TYW1: variants seen among roughly 807,000 people sequenced by gnomAD.
TYW1 encodes tRNA-yW synthesizing protein 1 homolog.
A neutral mutation model predicts 96.2 loss-of-function variants in TYW1; 46 were observed. That is an observed-to-expected ratio of 0.48 (90% confidence interval 0.38 to 0.61). The LOEUF is 0.61. TYW1 is among the 20% of genes least tolerant of loss of function. The pLI is 0.00. For synonymous variants in TYW1, 274 were observed against 323.0 expected (o/e 0.85, Z 1.63); for missense variants, 684 against 909.6 (o/e 0.75, Z 3.19).
intron 15 of TYW1, among the ~76,000 whole-genome samples, chr7:67,197,800 T>A (rs1800449363): frequency 6.6e-6 from 1 of 152,102 alleles, no homozygotes; most frequent in African/African-American, 2.4e-5. Context: ...ATTTGGAAAT[T>A]ATTTCAAATT....
chr7:67,123,526 A>C (rs1311971660), intron 13 of TYW1, among the ~76,000 whole-genome samples: 2 of 152,218 alleles, frequency 1.3e-5, no homozygotes, highest in Non-Finnish European at 2.9e-5. Flanking sequence ...TTGAGGCATC[A>C]GGTAATGTCT....
At chr7:67,029,980 C>T (rs139066108) in intron 7 of TYW1, among the ~76,000 whole-genome samples, 53 of 152,248 alleles carry the variant, frequency 3.5e-4, no homozygotes, top group African/African-American at 1.2e-3. Flanking sequence ...GAGATACTCT[C>T]GGTCAAGGAA....
Position 67,024,964 on chromosome 7 carries a change from A to G in TYW1, c.926A>G (p.Asn309Ser). The change falls in exon 7 of 16, where the codon AAT becomes AGT. Residue 309 changes from asparagine to serine, a missense_variant. Coordinates refer to ENST00000359626, the MANE Select transcript of TYW1 (RefSeq NM_018264.4). ...EFGGEDHQSL[N>S]SIVDVEDLGK... The stretch of plus-strand genomic sequence containing the variant: ...GGTGGTGAGGACCATCAGAGCCTAA[A>G]TTCCATTGTTGATGTTGAAGATTTG... 6.2e-7 allele frequency: 1 copy of G among 1,613,874 alleles called. No homozygotes were observed. The highest frequency in any genetic ancestry group is 1.1e-5 in the South Asian group (1 of 91,066).
At chr7:67,015,624 A>T (rs1793989308) in intron 5 of TYW1, among the ~76,000 whole-genome samples, 1 of 152,150 alleles carries the variant, frequency 6.6e-6, no homozygotes, top group Non-Finnish European at 1.5e-5. Flanking sequence ...AATTTCTGGG[A>T]TTACAGGCAT....
At chr7:67,152,812 T>TTTGG (rs2116175637) in intron 13 of TYW1, among the ~76,000 whole-genome samples, 1 of 152,172 alleles carries the variant, frequency 6.6e-6, no homozygotes, top group Admixed American at 6.5e-5. Flanking sequence ...TGTTAGCCAG[T>TTTGG]TTGGTCTTGA....
intron 14 of TYW1, 98 bp downstream of exon 14, chr7:67,183,334 G>T: frequency 9.7e-7 from 1 of 1,026,568 alleles, no homozygotes; most frequent in Admixed American, 2.7e-5. Flanking sequence ...AACTCTAGAG[G>T]TCCCAGGAAT....
At chr7:67,169,692 C>T (rs1160846601) in intron 13 of TYW1, among the ~76,000 whole-genome samples, 1 of 152,252 alleles carries the variant, frequency 6.6e-6, no homozygotes, top group Non-Finnish European at 1.5e-5. Flanking sequence ...AGCCACTGCT[C>T]CCAGCCTAGA....
chr7:67,186,242 T>C (rs2687030), intron 14 of TYW1, among the ~76,000 whole-genome samples: 44,854 of 110,650 alleles, frequency 0.41, 9,685 homozygotes, highest in South Asian at 0.49. Context: ...TGGATCTCCC[T>C]TTTTTTCATT....
intron 3 of TYW1, among the ~76,000 whole-genome samples, chr7:67,007,213 T>G (rs1476943751): frequency 6.6e-6 from 1 of 152,044 alleles, no homozygotes; most frequent in Non-Finnish European, 1.5e-5. Context: ...TTCATTTATA[T>G]AGGGTGTAAC....
At chr7:67,209,428 A>G (rs1227415375) in intron 15 of TYW1, among the ~76,000 whole-genome samples, 1 of 152,192 alleles carries the variant, frequency 6.6e-6, no homozygotes, top group African/African-American at 2.4e-5. Context: ...TTTAGTGCAG[A>G]AACACTGAAA....
intron 9 of TYW1, among the ~76,000 whole-genome samples, chr7:67,062,922 G>C (rs1191532348): frequency 1.3e-5 from 2 of 152,080 alleles, no homozygotes; most frequent in Admixed American, 6.6e-5. Context: ...AAATACAAGA[G>C]GTGGGGAACA....
At chr7:67,010,518 C>T (rs1028441761) in intron 4 of TYW1, among the ~76,000 whole-genome samples, 1 of 151,592 alleles carries the variant, frequency 6.6e-6, no homozygotes, top group African/African-American at 2.4e-5. Context: ...CTCTGTCACC[C>T]AGGCTGGAGT....
rs74708303 is a variant in TYW1, at chr7:67,094,967, G to A, written c.1385-3574G>A. Among the ~76,000 whole-genome samples the A allele has an allele frequency of 4.1e-3, 625 of 151,862 alleles. 34 individuals carry two copies. In the East Asian group the frequency reaches 0.11, roughly 27 times the overall value. The stretch of plus-strand genomic sequence containing the variant: ...GGTGCCTGGTGGAGATTGCTGGTGG[G>A]GGGGTACTAAGTGAAAATGCTGTAT... On this transcript the variant is annotated intron_variant, in intron 11 of 15. Transcript: ENST00000359626.
At chr7:67,072,963 T>TTTTTTTTTTTTTTTTTTTTTTG (rs1219374462) in intron 10 of TYW1, among the ~76,000 whole-genome samples, 6 of 118,684 alleles carry the variant, frequency 5.1e-5, no homozygotes, top group African/African-American at 2.1e-4. Context: ...TTTTTTTTTT[T>TTTTTTTTTTTTTTTTTTTTTTG]TATAGAGACA....
chr7:67,018,637 A>G (rs1463878521), intron 6 of TYW1, among the ~76,000 whole-genome samples: 2 of 151,938 alleles, frequency 1.3e-5, no homozygotes, highest in South Asian at 2.1e-4. Flanking sequence ...GAATTAAGCC[A>G]TATCGTGCTA....
intron 5 of TYW1, among the ~76,000 whole-genome samples, chr7:67,015,500 C>T (rs922444985): frequency 3.9e-5 from 6 of 152,246 alleles, no homozygotes; most frequent in African/African-American, 1.4e-4. Flanking sequence ...TATAGGCGTG[C>T]ACCACTACCC....
chr7:67,208,258 T>C (rs562279985), intron 15 of TYW1, among the ~76,000 whole-genome samples: 97 of 152,050 alleles, frequency 6.4e-4, no homozygotes, highest in African/African-American at 2.2e-3. Flanking sequence ...GAGACAGTGG[T>C]TGCAGTGAGC....
intron 13 of TYW1, among the ~76,000 whole-genome samples, chr7:67,132,411 A>G (rs909558479): frequency 1.3e-5 from 2 of 152,148 alleles, no homozygotes; most frequent in Admixed American, 6.6e-5. Context: ...CTCCTGGCCT[A>G]TCATTCCATA....
chr7:67,173,624 C>T (rs1386158250), intron 13 of TYW1, among the ~76,000 whole-genome samples: 1 of 138,280 alleles, frequency 7.2e-6, no homozygotes, highest in African/African-American at 2.9e-5. Flanking sequence ...TCTTTGTATT[C>T]CCCTGTCTTG....
Sources: allele counts gnomAD v4.1 joint callset (sites outside exome capture counted in the v4.1 genomes callset), GRCh38; gene constraint gnomAD v4.1.1; transcripts MANE v1.5; gene names NCBI Gene and HGNC (gene_info 2026-07-23, HGNC 2026-07-21).